DENND1A: variants seen among roughly 807,000 people sequenced by gnomAD.
DENND1A encodes the protein DENN domain containing 1A.
A neutral mutation model predicts 113.7 loss-of-function variants in DENND1A; 51 were observed. The ratio of observed to expected loss-of-function variants is 0.45; its 90% confidence interval spans 0.36 to 0.57. DENND1A has a LOEUF of 0.57. Among genes scored for constraint, DENND1A ranks in the 20% least tolerant of loss-of-function variants. The pLI, the probability that DENND1A is intolerant of heterozygous loss-of-function variation, is 0.00. For synonymous variants in DENND1A, 565 were observed against 570.8 expected (o/e 0.99, Z 0.14); for missense variants, 1,258 against 1,395.9 (o/e 0.90, Z 1.57).
chr9:123,425,197 G>T (rs886484394), intron 19 of DENND1A, among the ~76,000 whole-genome samples: 1 of 152,234 alleles, frequency 6.6e-6, no homozygotes, highest in Non-Finnish European at 1.5e-5. Context: ...CTGGCACAGA[G>T]AATTCTAATC....
intron 19 of DENND1A, among the ~76,000 whole-genome samples, chr9:123,415,942 TAGG>T (rs2044693032): frequency 2.0e-5 from 3 of 151,606 alleles, no homozygotes; most frequent in South Asian, 4.2e-4. Context: ...TTAAACACTG[TAGG>T]AGGTGAGTAG....
chr9:123,744,602 A>G (rs2069312004), intron 5 of DENND1A, among the ~76,000 whole-genome samples: 1 of 152,136 alleles, frequency 6.6e-6, no homozygotes, highest in Non-Finnish European at 1.5e-5. Context: ...CTCATTACCA[A>G]GTGTCATCTG....
intron 6 of DENND1A, among the ~76,000 whole-genome samples, chr9:123,675,913 T>G (rs1178315915): frequency 1.3e-5 from 2 of 152,208 alleles, no homozygotes; most frequent in East Asian, 1.9e-4. Context: ...AAGAAAATGC[T>G]TTACCCTCAT....
At chr9:123,630,004 G>A (rs2061405851) in intron 10 of DENND1A, among the ~76,000 whole-genome samples, 1 of 152,064 alleles carries the variant, frequency 6.6e-6, no homozygotes, top group Non-Finnish European at 1.5e-5. Context: ...CGTGCAATCA[G>A]GTGGTCTTAA....
intron 5 of DENND1A, among the ~76,000 whole-genome samples, chr9:123,693,002 A>G (rs2065274159): frequency 6.6e-6 from 1 of 152,242 alleles, no homozygotes; most frequent in South Asian, 2.1e-4. Flanking sequence ...GAAATGGTCA[A>G]GATTTGAAGT....
At chr9:123,678,369 C>T (rs374631632) in intron 5 of DENND1A, among the ~76,000 whole-genome samples, 112 of 152,336 alleles carry the variant, frequency 7.4e-4, no homozygotes, top group African/African-American at 2.6e-3. Flanking sequence ...AGTTTTGCCA[C>T]TTACTTTCAA....
At chr9:123,384,033 G>C in intron 22 of DENND1A, 120 bp from the exon 23 acceptor site, 1 of 1,341,314 alleles carries the variant, frequency 7.5e-7, no homozygotes, top group Non-Finnish European at 1.0e-6. Context: ...CGGGACAGGA[G>C]AGTGTCCCGG....
intron 4 of DENND1A, among the ~76,000 whole-genome samples, chr9:123,766,635 T>C (rs1199241863): frequency 6.6e-6 from 1 of 152,232 alleles, no homozygotes; most frequent in Non-Finnish European, 1.5e-5. Flanking sequence ...GATGGAAATC[T>C]AGGTTGTGCT....
At chr9:123,504,048 T>G (rs750384280) in intron 13 of DENND1A, among the ~76,000 whole-genome samples, 1 of 152,186 alleles carries the variant, frequency 6.6e-6, no homozygotes, top group Non-Finnish European at 1.5e-5. Context: ...ATTCTGAGGT[T>G]TTTCACAAGC....
At chr9:123,896,124 C>T (rs1345152027) in intron 1 of DENND1A, among the ~76,000 whole-genome samples, 1 of 151,876 alleles carries the variant, frequency 6.6e-6, no homozygotes, top group Non-Finnish European at 1.5e-5. Context: ...AGAGCAAGAC[C>T]CCAGCTCCAT....
intron 2 of DENND1A, among the ~76,000 whole-genome samples, chr9:123,825,554 C>T (rs1564345512): frequency 6.6e-6 from 1 of 152,224 alleles, no homozygotes; most frequent in Non-Finnish European, 1.5e-5. Flanking sequence ...TTCTCTCATG[C>T]CTAGGCAATG....
chr9:123,679,875 G>C (rs73665331), intron 5 of DENND1A, among the ~76,000 whole-genome samples: 7,055 of 152,108 alleles, frequency 0.046, 516 homozygotes, highest in African/African-American at 0.16. Flanking sequence ...CATCTAACGG[G>C]GTGCGACCAT....
At chr9:123,909,831 A>C (rs1229609487) in intron 1 of DENND1A, among the ~76,000 whole-genome samples, 1 of 152,216 alleles carries the variant, frequency 6.6e-6, no homozygotes, top group Non-Finnish European at 1.5e-5. Context: ...ACATTTAGCA[A>C]GGTTGCTGGA....
At chr9:123,698,437 T>C (rs1457941317) in intron 5 of DENND1A, among the ~76,000 whole-genome samples, 1 of 152,236 alleles carries the variant, frequency 6.6e-6, no homozygotes, top group Non-Finnish European at 1.5e-5. Context: ...CATCAACAGA[T>C]ATGATTTTGC....
intron 19 of DENND1A, among the ~76,000 whole-genome samples, chr9:123,419,734 G>A (rs1009531526): frequency 1.1e-4 from 17 of 152,372 alleles, no homozygotes; most frequent in Admixed American, 1.1e-3. Flanking sequence ...AAAAAGGAGT[G>A]CATTGAAGCG....
chr9:123,517,240 A>C (rs554293390), intron 13 of DENND1A, among the ~76,000 whole-genome samples: 26 of 150,498 alleles, frequency 1.7e-4, no homozygotes, highest in African/African-American at 5.6e-4. Flanking sequence ...GCAACAGAGC[A>C]AGACTCCGTC....
At chr9:123,656,815 G>A (rs1038790992) in intron 8 of DENND1A, among the ~76,000 whole-genome samples, 2 of 152,194 alleles carry the variant, frequency 1.3e-5, no homozygotes, top group Admixed American at 6.5e-5. Flanking sequence ...TACTTGGAAA[G>A]GAAAACCTTG....
intron 19 of DENND1A, among the ~76,000 whole-genome samples, chr9:123,425,233 C>A (rs1334674101): frequency 1.3e-5 from 2 of 152,262 alleles, no homozygotes; most frequent in Non-Finnish European, 2.9e-5. Flanking sequence ...TCTGGTCTCG[C>A]TGAATCAGAT....
At chr9:123,520,522 C>T (rs2054309912) in intron 13 of DENND1A, among the ~76,000 whole-genome samples, 2 of 152,206 alleles carry the variant, frequency 1.3e-5, no homozygotes, top group Admixed American at 1.3e-4. Context: ...GGTGAAATAG[C>T]AGCCACCCTG....
Sources: gnomAD v4.1 joint callset for allele counts (sites outside exome capture counted in the v4.1 genomes callset) on GRCh38, gnomAD v4.1.1 for gene constraint, MANE v1.5 for transcripts, NCBI Gene and HGNC (gene_info 2026-07-23, HGNC 2026-07-21) for gene names.